TNRC18: variants seen among roughly 807,000 people sequenced by gnomAD.
TNRC18 encodes the protein trinucleotide repeat-containing gene 18 protein.
Under a neutral mutation model 226.7 loss-of-function variants are expected in TNRC18, and 69 were observed. The ratio of observed to expected loss-of-function variants is 0.30; its 90% CI spans 0.25 to 0.37. TNRC18 has a LOEUF of 0.37. Among genes scored for constraint, TNRC18 ranks in the 10% least tolerant of loss-of-function variants. The pLI, the probability that TNRC18 is intolerant of heterozygous loss-of-function variation, is 1.00. For missense variants in TNRC18, 4,754 were observed against 4,256.6 expected, an observed-to-expected ratio of 1.12 and a Z score of -3.25; for synonymous variants, 2,449 against 1,927.6, an observed-to-expected ratio of 1.27 and a Z score of -7.09.
intron 27 of TNRC18, among the ~76,000 whole-genome samples, chr7:5,310,711 G>C (rs997453531): frequency 1.3e-5 from 2 of 152,228 alleles, no homozygotes; most frequent in African/African-American, 4.8e-5. Context: ...AGAGAGACTT[G>C]AAACTCCATT....
chr7:5,312,420 A>G lies in TNRC18; in HGVS notation c.8388+83T>C. On this transcript the variant is annotated intron_variant, in intron 27 of 29. Coordinates refer to ENST00000430969, the MANE Select transcript of TNRC18 (RefSeq NM_001080495.3). The surrounding 1 kb of genome is among the most constrained non-coding windows in gnomAD (Gnocchi z 6.3). ...GGTTCTGGGAGGTTACCACACACGG[A>G]GACACAGCATGAAGCCGTGGGCCCA... 2.6e-6 allele frequency: 4 copies of G among 1,524,638 alleles called. No homozygotes were observed. In the South Asian group the frequency reaches 3.7e-5, roughly 14 times the overall value. 94.4% of individuals were successfully genotyped at this position (1,524,638 alleles called of 1,614,324 possible).
At chr7:5,311,036 G>C (rs537884490) in intron 27 of TNRC18, among the ~76,000 whole-genome samples, 2 of 152,252 alleles carry the variant, frequency 1.3e-5, no homozygotes, top group African/African-American at 4.8e-5. Context: ...ACGTGTGCAA[G>C]TGTGCATTTG....
Position 5,394,585 on chromosome 7 carries a change from G to A in TNRC18, c.198C>T (p.Phe66=). Residue 66 remains phenylalanine, a synonymous_variant, in exon 3 of 30, where the codon TTC becomes TTT. Transcript: ENST00000430969. This position sits in a 1 kb window ranked among gnomAD's most constrained non-coding sequence, Gnocchi z 4.5. ...TCCCGCTGGCCACAAAGCTGCCCAA[G>A]AAGGCCTCGCCTGCAGAGAGAAGTT... ...LNLHPHPGEA[F]LGSFVASGMG... The A allele has an allele frequency of 6.5e-7, 1 of 1,546,806 alleles. No individual in the cohort carries two copies. Among genetic ancestry groups the A allele is most frequent in the Non-Finnish European group, 8.7e-7 (1 of 1,146,662 alleles).
At position 5,324,299 on chromosome 7, in the gene TNRC18, C is replaced by T. The variant is rs753582263; in HGVS notation, c.6357G>A (p.Glu2119=). Reference sequence around the variant, plus strand: ...TCGAGTCTTGGTTGGGTTCAAAGTCCTCCTCGGCTGCCATGCTCTCCATCA... The same window carrying T: ...TCGAGTCTTGGTTGGGTTCAAAGTCTTCCTCGGCTGCCATGCTCTCCATCA... ...SKLMESMAAE[E]DFEPNQDSSF... Residue 2119 remains glutamate (E), a synonymous_variant, in exon 21 of 30, where the codon GAG becomes GAA. Coordinates refer to ENST00000430969, the MANE Select transcript of TNRC18 (RefSeq NM_001080495.3). The surrounding 1 kb of genome is among the most constrained non-coding windows in gnomAD (Gnocchi z 4.8). 1.9e-6 allele frequency: 3 copies of T among 1,613,626 alleles called. No individual in the cohort carries two copies. The highest frequency in any genetic ancestry group is 2.5e-6 in the Non-Finnish European group (3 of 1,179,720).
Position 5,370,720 on chromosome 7 carries a change from C to G in TNRC18, c.3874G>C (p.Glu1292Gln), listed in dbSNP as rs776107337. The G allele has an allele frequency of 3.1e-6, 5 of 1,608,454 alleles. No homozygotes were observed. The Admixed American group carries it at 8.4e-5, about 27-fold the overall frequency. ...VAPSESQPTL[E>Q]MSDCDVPAGE... ...GCGGGCACGTCACAGTCTGACATTT[C>G]TAGGGTGGGCTGGGACTCGCTCGGT... is the stretch of plus-strand genomic sequence containing the variant. Residue 1292 changes from glutamate to glutamine, a missense_variant, in exon 11 of 30, where the codon GAA (glutamate) becomes CAA (glutamine). Transcript: ENST00000430969.
At chr7:5,398,975 G>C (rs1301472782) in intron 2 of TNRC18, among the ~76,000 whole-genome samples, 3 of 152,152 alleles carry the variant, frequency 2.0e-5, no homozygotes, top group Non-Finnish European at 2.9e-5. Flanking sequence ...ATACACATTA[G>C]GGTGAGGAGA....
intron 18 of TNRC18, among the ~76,000 whole-genome samples, chr7:5,341,006 T>C (rs1484740886): frequency 6.6e-6 from 1 of 152,222 alleles, no homozygotes; most frequent in Non-Finnish European, 1.5e-5. Flanking sequence ...CGACTTTTGC[T>C]GGGGGCTAAT....
intron 11 of TNRC18, among the ~76,000 whole-genome samples, chr7:5,364,462 A>ACACACAC (rs778462099): frequency 8.6e-6 from 1 of 116,638 alleles, no homozygotes; most frequent in Non-Finnish European, 1.8e-5. Flanking sequence ...TCTCAAAGAA[A>ACACACAC]ACACACACAC....
chr7:5,395,723 G>T (rs1479422585), intron 2 of TNRC18, among the ~76,000 whole-genome samples: 1 of 152,256 alleles, frequency 6.6e-6, no homozygotes, highest in African/African-American at 2.4e-5. Context: ...CGAACACGGT[G>T]GCTCAAGCCT....
In TNRC18 at chr7:5,307,753, C is replaced by T. The variant is rs1293902211; in HGVS notation, c.*353G>A. On this transcript the variant is annotated 3_prime_UTR_variant, in exon 30 of 30. Transcript: ENST00000430969. ...CACCGAATCCCCAGTCTGCATGGAC[C>T]TGGGGGCACCCGGGCCCCCACGCAG... The T allele has an allele frequency of 5.3e-6, 2 of 374,510 alleles. No homozygotes were observed. Among genetic ancestry groups the T allele is most frequent in the Admixed American group, 8.0e-5 (2 of 25,076 alleles). 23.2% of individuals were successfully genotyped at this position (374,510 alleles called of 1,614,324 possible).
At position 5,370,952 on chromosome 7, in the gene TNRC18, T is replaced by C. The variant is rs1421493163; in HGVS notation, c.3642A>G (p.Ala1214=). The C allele has an allele frequency of 6.2e-7, 1 of 1,605,124 alleles. No individual in the cohort carries two copies. Among genetic ancestry groups the C allele is most frequent in the African/African-American group, 1.3e-5 (1 of 74,928 alleles). ...CAAAGTCTGGACACTCAGAGGGCTCTGCGCAGCTCTGCCCGGTGGCACTCA... is the reference window on the plus strand; with the variant it reads ...CAAAGTCTGGACACTCAGAGGGCTCCGCGCAGCTCTGCCCGGTGGCACTCA... ...QALSATGQSC[A]EPSECPDFVE... The change falls in exon 11 of 30, where the codon GCA becomes GCG. Residue 1214 remains alanine (A), a synonymous_variant. Transcript: ENST00000430969.
At chr7:5,329,431 C>T (rs1789275345) in intron 19 of TNRC18, among the ~76,000 whole-genome samples, 1 of 151,796 alleles carries the variant, frequency 6.6e-6, no homozygotes, top group Non-Finnish European at 1.5e-5. Flanking sequence ...CAACTGTAAT[C>T]CCAGCACTTT....
intron 5 of TNRC18, among the ~76,000 whole-genome samples, chr7:5,386,381 A>C (rs905791165): frequency 3.9e-5 from 6 of 152,132 alleles, no homozygotes; most frequent in Non-Finnish European, 8.8e-5. Context: ...GTTTGAGACC[A>C]GCCTGGCCAA....
At chr7:5,398,868 C>T (rs1156262544) in intron 2 of TNRC18, among the ~76,000 whole-genome samples, 1 of 152,112 alleles carries the variant, frequency 6.6e-6, no homozygotes, top group East Asian at 1.9e-4. Flanking sequence ...GTGCGATCCT[C>T]CTGCCTTGGC....
intron 10 of TNRC18, among the ~76,000 whole-genome samples, chr7:5,373,094 G>A (rs1794313756): frequency 6.6e-6 from 1 of 152,136 alleles, no homozygotes; most frequent in African/African-American, 2.4e-5. Context: ...GGAAGCGGAG[G>A]TTGCAGTGAG....
chr7:5,389,074 G>C lies in TNRC18; in HGVS notation c.750C>G (p.Arg250=). ...CCAGGCGCGGGGGCCCCCGGTCCTG[G>C]CGGCCCTCGGCGCGCGCCTCCTGGG... is the stretch of plus-strand genomic sequence containing the variant. The part of the protein sequence containing the change: ...DLTQEARAEG[R]QDRGPPRLAE... Residue 250 remains arginine, a synonymous_variant, in exon 5 of 30, where the codon CGC becomes CGG. Transcript: ENST00000430969. 2 of 1,280,238 alleles carry C rather than the reference G, an allele frequency of 1.6e-6. No homozygotes were observed. The highest frequency in any genetic ancestry group is 2.0e-6 in the Non-Finnish European group (2 of 1,006,318). 79.3% of individuals were successfully genotyped at this position (1,280,238 alleles called of 1,614,324 possible).
intron 24 of TNRC18, among the ~76,000 whole-genome samples, chr7:5,317,933 G>A (rs1247093625): frequency 2.0e-5 from 3 of 150,364 alleles, no homozygotes; most frequent in Admixed American, 1.3e-4. Context: ...GCAGCGGTGT[G>A]ATCTCGGCTC....
chr7:5,314,087 T>C (rs1787594059), intron 26 of TNRC18, among the ~76,000 whole-genome samples: 1 of 151,970 alleles, frequency 6.6e-6, no homozygotes, highest in African/African-American at 2.4e-5. Flanking sequence ...GTCTCCCAAG[T>C]AACCTGAGGC....
At chr7:5,359,705 A>G in intron 14 of TNRC18, 136 bp from the exon 15 acceptor site, 3 of 882,518 alleles carry the variant, frequency 3.4e-6, no homozygotes, top group Admixed American at 2.4e-5. Context: ...GGGCGTGGGG[A>G]GATGGATCTT....
Sources: gnomAD v4.1 joint callset for allele counts (sites outside exome capture counted in the v4.1 genomes callset) on GRCh38, gnomAD v4.1.1 for gene constraint, Gnocchi (gnomAD v3.1) non-coding constraint, MANE v1.5 for transcripts, NCBI Gene and HGNC (gene_info 2026-07-23, HGNC 2026-07-21) for gene names.